Variants in LRBA observed in about 807,000 individuals in gnomAD.
LRBA encodes the protein lipopolysaccharide-responsive and beige-like anchor protein.
In LRBA, 176 loss-of-function variants were observed where a neutral mutation model predicts 330.0. The observed-to-expected ratio is 0.53, with a 90% confidence interval of 0.47 to 0.60. LRBA has a LOEUF of 0.60. Among genes scored for constraint, LRBA ranks in the 20% least tolerant of loss-of-function variants. The probability of loss-of-function intolerance (pLI) is 0.00; values close to 1 mark genes in which losing one functional copy is unlikely to be tolerated. For missense variants in LRBA, 3,259 were observed against 3,444.8 expected (o/e 0.95, Z 1.35); for synonymous variants, 1,230 against 1,193.0 (o/e 1.03, Z -0.64).
chr4:150,396,752 T>C (rs562184720), intron 47 of LRBA, among the ~76,000 whole-genome samples: 1 of 152,310 alleles, frequency 6.6e-6, no homozygotes, highest in Admixed American at 6.5e-5. Flanking sequence ...ACAAGTGCCA[T>C]ATGAAATGAA....
intron 48 of LRBA, among the ~76,000 whole-genome samples, chr4:150,332,231 C>T (rs1268831724): frequency 2.0e-5 from 3 of 152,070 alleles, no homozygotes; most frequent in African/African-American, 7.2e-5. Context: ...CATCATATTG[C>T]CTTTAAACCC....
intron 56 of LRBA, among the ~76,000 whole-genome samples, chr4:150,276,568 A>C (rs1746791054): frequency 6.6e-6 from 1 of 152,208 alleles, no homozygotes; most frequent in Non-Finnish European, 1.5e-5. Context: ...CAAAGAACTT[A>C]AACAAATTTA....
At chr4:150,271,130 A>G (rs1746034484) in intron 56 of LRBA, among the ~76,000 whole-genome samples, 1 of 152,108 alleles carries the variant, frequency 6.6e-6, no homozygotes, top group Non-Finnish European at 1.5e-5. Flanking sequence ...CCCCCAGCCA[A>G]TGGAGGCTGT....
At chr4:150,539,259 C>T (rs1221430259) in intron 40 of LRBA, among the ~76,000 whole-genome samples, 1 of 152,218 alleles carries the variant, frequency 6.6e-6, no homozygotes, top group South Asian at 2.1e-4. Flanking sequence ...CAGGCATAAG[C>T]CACAGTGCCC....
chr4:150,985,309 A>ATGTT (rs1194052143), intron 2 of LRBA, among the ~76,000 whole-genome samples: 1 of 151,600 alleles, frequency 6.6e-6, no homozygotes, highest in Non-Finnish European at 1.5e-5. Context: ...ACAAAAGCTC[A>ATGTT]TGTTCCCTTC....
At chr4:150,500,105 G>C (rs1381100428) in intron 40 of LRBA, among the ~76,000 whole-genome samples, 1 of 152,126 alleles carries the variant, frequency 6.6e-6, no homozygotes, top group Non-Finnish European at 1.5e-5. Flanking sequence ...AAGTAGGATA[G>C]TGAATGTTCC....
intron 47 of LRBA, among the ~76,000 whole-genome samples, chr4:150,398,291 T>C (rs890492433): frequency 1.2e-4 from 19 of 152,154 alleles, no homozygotes; most frequent in Non-Finnish European, 2.1e-4. Flanking sequence ...GTAAAACACT[T>C]TCAAAGAAAA....
At chr4:150,954,053 C>A (rs992923244) in intron 2 of LRBA, among the ~76,000 whole-genome samples, 1 of 150,262 alleles carries the variant, frequency 6.7e-6, no homozygotes, top group African/African-American at 2.5e-5. Context: ...CGGCAGCCAC[C>A]CCGTCTGGGA....
intron 2 of LRBA, among the ~76,000 whole-genome samples, chr4:150,948,181 G>C (rs543239996): frequency 6.6e-6 from 1 of 152,058 alleles, no homozygotes; most frequent in East Asian, 1.9e-4. Flanking sequence ...AAACAATCTT[G>C]AAAGAGAAAG....
chr4:150,967,307 C>A (rs540189207), intron 2 of LRBA, among the ~76,000 whole-genome samples: 50 of 152,296 alleles, frequency 3.3e-4, no homozygotes, highest in Non-Finnish European at 6.3e-4. Flanking sequence ...GGCAACAACG[C>A]AAAATGTCAA....
At position 150,916,647 on chromosome 4, in the gene LRBA, T is replaced by A. The variant is rs753938783; in HGVS notation, c.737A>T (p.Asn246Ile). 1.3e-6 allele frequency: 2 copies of A among 1,599,390 alleles called. No homozygotes were observed. Among genetic ancestry groups the A allele is most frequent in the Non-Finnish European group, 1.7e-6 (2 of 1,174,070 alleles). ...WLRMDPVNNI[N>I]VDKDKPYLYC... ...CAAATATGGTTTATCCTTATCTACA[T>A]TGATGTTATTTACAGGATCCATTCT... is the stretch of plus-strand genomic sequence containing the variant. The change falls in exon 6 of 57, where the codon AAT (asparagine) becomes ATT (isoleucine). Residue 246 changes from asparagine to isoleucine, a missense_variant. Coordinates refer to ENST00000651943, the MANE Select transcript of LRBA (RefSeq NM_001364905.1).
chr4:150,732,381 C>T (rs1381503159), intron 36 of LRBA, among the ~76,000 whole-genome samples: 1 of 151,894 alleles, frequency 6.6e-6, no homozygotes, highest in Non-Finnish European at 1.5e-5. Flanking sequence ...TACTGCTTTC[C>T]CTTAAGACTA....
At chr4:150,828,960 TGTGTCA>T (rs1746737904) in intron 29 of LRBA, among the ~76,000 whole-genome samples, 1 of 151,210 alleles carries the variant, frequency 6.6e-6, no homozygotes, top group African/African-American at 2.4e-5. Context: ...TGTGTGTGTG[TGTGTCA>T]GTCTGTTGCC....
intron 37 of LRBA, among the ~76,000 whole-genome samples, chr4:150,639,202 G>A (rs1177366797): frequency 2.1e-5 from 3 of 141,612 alleles, no homozygotes; most frequent in Non-Finnish European, 4.6e-5. Context: ...GGGGACTGTG[G>A]TGGGGTAGGG....
At chr4:150,434,272 A>G (rs562296695) in intron 46 of LRBA, among the ~76,000 whole-genome samples, 1 of 151,264 alleles carries the variant, frequency 6.6e-6, no homozygotes, top group Non-Finnish European at 1.5e-5. Context: ...GACACCATTT[A>G]AAAAAAAATA....
intron 30 of LRBA, among the ~76,000 whole-genome samples, chr4:150,824,755 T>C (rs1400537846): frequency 1.3e-5 from 2 of 152,100 alleles, no homozygotes; most frequent in Non-Finnish European, 2.9e-5. Flanking sequence ...CCAGAATAAA[T>C]CCCACTCATT....
rs200336029 is a variant in LRBA, at chr4:150,265,753, C to T, written c.8528G>A (p.Arg2843Gln). The part of the protein sequence containing the change: ...SIVLFYNDFN[R>Q]WHHEYQTRY ...GCGGGTTTGGTATTCATGATGCCAC[C>T]GGTTAAAGTCGTTGTAAAATAGCAC... is the stretch of plus-strand genomic sequence containing the variant. Residue 2843 changes from arginine to glutamine, a missense_variant, in exon 57 of 57, where the codon CGG (arginine) becomes CAG (glutamine). Transcript: ENST00000651943. The T allele has an allele frequency of 2.5e-5, 41 of 1,613,432 alleles. No homozygotes were observed. Among genetic ancestry groups the T allele is most frequent in the South Asian group, 7.7e-5 (7 of 91,060 alleles).
At chr4:150,521,431 T>C (rs1389207157) in intron 40 of LRBA, among the ~76,000 whole-genome samples, 1 of 152,202 alleles carries the variant, frequency 6.6e-6, no homozygotes, top group African/African-American at 2.4e-5. Context: ...CTTTTCACTT[T>C]TATTGTGGAG....
chr4:150,417,453 A>C (rs1355194765), intron 46 of LRBA, among the ~76,000 whole-genome samples: 2 of 152,156 alleles, frequency 1.3e-5, no homozygotes, highest in Non-Finnish European at 2.9e-5. Flanking sequence ...CACAATAAAG[A>C]GGGAGGAACA....
Sources: gnomAD v4.1 joint callset for allele counts (sites outside exome capture counted in the v4.1 genomes callset) on GRCh38, gnomAD v4.1.1 for gene constraint, MANE v1.5 for transcripts, NCBI Gene and HGNC (gene_info 2026-07-23, HGNC 2026-07-21) for gene names.